Variants in PFKFB2 observed in about 807,000 individuals in gnomAD.
The protein encoded by PFKFB2 is 6-phosphofructo-2-kinase/fructose-2,6-bisphosphatase 2.
In PFKFB2, 53 loss-of-function variants were observed where a neutral mutation model predicts 68.0. The ratio of observed to expected loss-of-function variants is 0.78; its 90% CI spans 0.63 to 0.98. PFKFB2 has a LOEUF of 0.98. PFKFB2 is among the 50% of genes least tolerant of loss of function. PFKFB2 has a pLI of 0.00. For synonymous variants in PFKFB2, 222 were observed against 227.6 expected, an observed-to-expected ratio of 0.98 and a Z score of 0.22; for missense variants, 451 against 642.0, an observed-to-expected ratio of 0.70 and a Z score of 3.22.
chr1:207,057,384 A>G (rs967822322), intron 2 of PFKFB2, among the ~76,000 whole-genome samples: 30 of 148,400 alleles, frequency 2.0e-4, no homozygotes, highest in Admixed American at 1.9e-3. Context: ...AAGCTGAGGC[A>G]GGAGAATGGC....
At chr1:207,047,013 A>C (rs1682615556) in intron 2 of PFKFB2, 1 of 152,322 alleles carries the variant, frequency 6.6e-6, no homozygotes, top group Non-Finnish European at 1.5e-5. Flanking sequence ...TCAATTTGAT[A>C]ATTGTTATCT....
intron 4 of PFKFB2, 94 bp downstream of exon 4, chr1:207,062,810 T>C: frequency 1.6e-6 from 2 of 1,230,648 alleles, no homozygotes; most frequent in South Asian, 1.4e-5. Flanking sequence ...TCAGTAAATA[T>C]CTTAAGGGGA....
chr1:207,062,241 T>C (rs1683140520), intron 3 of PFKFB2, among the ~76,000 whole-genome samples, 163 bp downstream of exon 3: 1 of 152,202 alleles, frequency 6.6e-6, no homozygotes. Context: ...CAGACTTGTC[T>C]CCTCCTGGCG....
At chr1:207,038,282 C>G (rs1033977742) in intron 1 of PFKFB2, among the ~76,000 whole-genome samples, 1 of 152,190 alleles carries the variant, frequency 6.6e-6, no homozygotes, top group African/African-American at 2.4e-5. Flanking sequence ...TAACAAAAGT[C>G]ACAACTAGTT....
chr1:207,051,024 C>A, upstream of PFKFB2: 1 of 1,505,938 alleles, frequency 6.6e-7, no homozygotes, highest in Non-Finnish European at 8.9e-7. Flanking sequence ...TTAGCGGGGC[C>A]AAACATCGCG....
rs1366525937 is a variant in PFKFB2 at position 207,074,643 on chromosome 1, A to G, written c.*2272A>G. On this transcript the variant is annotated 3_prime_UTR_variant, in exon 15 of 15. Transcript: ENST00000367080. The stretch of plus-strand genomic sequence containing the variant: ...GTTAAGTAACCTGCTATTCCTGTTT[A>G]GTGGTTACATAACATGTACTTAGTG... 29 of 985,246 alleles carry G rather than the reference A, an allele frequency of 2.9e-5. No individual in the cohort carries two copies. The highest frequency in any genetic ancestry group is 3.1e-5 in the Non-Finnish European group (26 of 829,896). The allele number at this position is 985,246 out of a possible 1,614,324, so 61.0% of individuals were successfully genotyped here.
At chr1:207,055,199 T>C (rs768977216) in intron 2 of PFKFB2, among the ~76,000 whole-genome samples, 1 of 152,052 alleles carries the variant, frequency 6.6e-6, no homozygotes, top group Non-Finnish European at 1.5e-5. Context: ...TTTGGGAGAG[T>C]GCTGCTCATT....
intron 2 of PFKFB2, among the ~76,000 whole-genome samples, chr1:207,042,549 C>CAAAAAAAAAAAAAAAAAAAAAAAAAAAAA (rs57077682): frequency 8.9e-5 from 4 of 44,716 alleles, no homozygotes; most frequent in African/African-American, 1.5e-4. Context: ...CTCTGTCTCA[C>CAAAAAAAAAAAAAAAAAAAAAAAAAAAAA]AAAAAAAAAA....
At chr1:207,045,502 T>C (rs528497030) in intron 2 of PFKFB2, 1 of 152,492 alleles carries the variant, frequency 6.6e-6, no homozygotes, top group South Asian at 2.1e-4. Context: ...TAAACTTTTA[T>C]TCCATATATA....
intron 2 of PFKFB2, among the ~76,000 whole-genome samples, chr1:207,057,604 A>G (rs1682967533): frequency 6.6e-6 from 1 of 151,986 alleles, no homozygotes. Flanking sequence ...ATACAAAAGC[A>G]ATGTATGTTC....
upstream of PFKFB2, among the ~76,000 whole-genome samples, chr1:207,052,496 T>C (rs1185888738): frequency 6.6e-6 from 1 of 152,170 alleles, no homozygotes; most frequent in East Asian, 1.9e-4. Flanking sequence ...ACCCCGTCTC[T>C]ACTAAAAATA....
intron 2 of PFKFB2, chr1:207,047,999 G>C (rs1378635687): frequency 1.3e-5 from 2 of 152,092 alleles, no homozygotes; most frequent in Non-Finnish European, 2.9e-5. Flanking sequence ...CCAAAGCAGA[G>C]CATTATTACT....
intron 2 of PFKFB2, among the ~76,000 whole-genome samples, chr1:207,043,362 C>A (rs1227809597): frequency 6.6e-6 from 1 of 152,146 alleles, no homozygotes; most frequent in African/African-American, 2.4e-5. Flanking sequence ...AATTTTAAAG[C>A]TTTCAATGAG....
rs767037463 is a variant in PFKFB2 at position 207,063,451 on chromosome 1, G to A, written c.450+30G>A. 1.1e-5 allele frequency: 16 copies of A among 1,499,630 alleles called. No homozygotes were observed. The highest frequency in any genetic ancestry group is 1.4e-5 in the Non-Finnish European group (15 of 1,079,280). The allele number at this position is 1,499,630 out of a possible 1,614,324, so 92.9% of individuals were successfully genotyped here. A position where few individuals can be genotyped will look rare whatever the true frequency, so the allele number is the denominator to read the frequency against. On this transcript the variant is annotated intron_variant, in intron 6 of 14. Coordinates refer to ENST00000367080, the MANE Select transcript of PFKFB2 (RefSeq NM_006212.2). The surrounding 1 kb of genome is among the most constrained non-coding windows in gnomAD (Gnocchi z 4.1). Reference sequence around the variant, plus strand: ...GATCTGACTCCATGTTGGAGGAAAAGGGATGAGTAGAGGTGGGGAGTCAGG... The same window carrying A: ...GATCTGACTCCATGTTGGAGGAAAAAGGATGAGTAGAGGTGGGGAGTCAGG...
At chr1:207,049,620 A>G (rs1479488400), upstream of PFKFB2, 1 of 1,614,208 alleles carries the variant, frequency 6.2e-7, no homozygotes, top group East Asian at 2.2e-5. Context: ...CGGTTCTGGT[A>G]AGCACAGGCA....
At chr1:207,061,043 T>C (rs1403680305) in intron 2 of PFKFB2, 1 of 137,282 alleles carries the variant, frequency 7.3e-6, no homozygotes, top group Non-Finnish European at 1.5e-5. Flanking sequence ...ATATCTTAAA[T>C]ATATATATTT....
In PFKFB2 at chr1:207,074,316, C is replaced by A; in HGVS notation, c.*1945C>A. On this transcript the variant is annotated 3_prime_UTR_variant, in exon 15 of 15. Coordinates refer to ENST00000367080, the MANE Select transcript of PFKFB2 (RefSeq NM_006212.2). ...CAGATCATAATGTTAAATGATATAA[C>A]CCCCTGGAAGGCAGGCTGCTGTGTT... 20 of 985,364 alleles carry A rather than the reference C, an allele frequency of 2.0e-5. No individual in the cohort carries two copies. The highest frequency in any genetic ancestry group is 2.4e-5 in the Non-Finnish European group (20 of 829,874). The allele number at this position is 985,364 out of a possible 1,614,324, so 61.0% of individuals were successfully genotyped here.
Position 207,069,462 on chromosome 1 carries a change from A to G in PFKFB2, c.1026A>G (p.Lys342=). Residue 342 remains lysine, a synonymous_variant, in exon 11 of 15, where the codon AAA becomes AAG. Coordinates refer to ENST00000367080, the MANE Select transcript of PFKFB2 (RefSeq NM_006212.2). ...AGATGACCTATGCAGAGATTGAGAA[A>G]CGGTACCCAGAAGAGTTTGCACTTC... ...CEEMTYAEIE[K]RYPEEFALRD... is the part of the protein sequence containing the mutation. 1 of 1,614,052 alleles carries G rather than the reference A, an allele frequency of 6.2e-7. No individual in the cohort carries two copies. Among genetic ancestry groups the G allele is most frequent in the Non-Finnish European group, 8.5e-7 (1 of 1,179,950 alleles).
At chr1:207,052,184 C>T (rs776089105), upstream of PFKFB2, 2 of 1,612,648 alleles carry the variant, frequency 1.2e-6, no homozygotes, top group East Asian at 2.2e-5. Context: ...TGCAAACTCA[C>T]CTCCACTGTA....
Sources: gnomAD v4.1 joint callset for allele counts (sites outside exome capture counted in the v4.1 genomes callset) on GRCh38, gnomAD v4.1.1 for gene constraint, Gnocchi (gnomAD v3.1) non-coding constraint, MANE v1.5 for transcripts, NCBI Gene and HGNC (gene_info 2026-07-23, HGNC 2026-07-21) for gene names.